DLGAP2: variants seen among roughly 807,000 people sequenced by gnomAD.
DLGAP2 encodes disks large-associated protein 2.
A neutral mutation model predicts 100.3 loss-of-function variants in DLGAP2; 26 were observed. The observed-to-expected ratio is 0.26, with a 90% confidence interval of 0.19 to 0.36. The LOEUF is 0.36. DLGAP2 is among the 10% of genes least tolerant of loss of function. DLGAP2 has a pLI of 1.00. For synonymous variants in DLGAP2, 886 were observed against 630.1 expected (o/e 1.41, Z -6.08); for missense variants, 1,858 against 1,453.2 (o/e 1.28, Z -4.53).
At chr8:1,428,515 A>G (rs895200732) in intron 3 of DLGAP2, among the ~76,000 whole-genome samples, 2 of 152,218 alleles carry the variant, frequency 1.3e-5, no homozygotes, top group Non-Finnish European at 2.9e-5. Flanking sequence ...CTTGGTAACA[A>G]AACAGGCCAA....
chr8:1,481,471 C>CTTTTTCTT (rs1799091409), intron 3 of DLGAP2, among the ~76,000 whole-genome samples: 7 of 43,702 alleles, frequency 1.6e-4, no homozygotes, highest in Non-Finnish European at 2.7e-4. Flanking sequence ...TTTTCTTTTT[C>CTTTTTCTT]TTTTTTTTTT....
At chr8:867,007 C>G (rs1585951157) in intron 1 of DLGAP2, among the ~76,000 whole-genome samples, 1 of 152,328 alleles carries the variant, frequency 6.6e-6, no homozygotes, top group South Asian at 2.1e-4. Flanking sequence ...TCGAGGGCCT[C>G]TGTCCTTCCC....
At chr8:1,167,442 G>A (rs1797039083) in intron 2 of DLGAP2, among the ~76,000 whole-genome samples, 1 of 152,156 alleles carries the variant, frequency 6.6e-6, no homozygotes, top group Non-Finnish European at 1.5e-5. Context: ...GGCTGCTAGG[G>A]AAGCAGAGTT....
At chr8:1,041,307 C>G (rs1404512049) in intron 2 of DLGAP2, among the ~76,000 whole-genome samples, 3 of 152,098 alleles carry the variant, frequency 2.0e-5, no homozygotes, top group Non-Finnish European at 4.4e-5. Context: ...GTGGAGATCG[C>G]CCCTCGCAGC....
At chr8:1,001,241 T>A (rs1177988034) in intron 2 of DLGAP2, among the ~76,000 whole-genome samples, 1 of 152,190 alleles carries the variant, frequency 6.6e-6, no homozygotes, top group Admixed American at 6.5e-5. Flanking sequence ...CAGGACAGGG[T>A]TGTACTGCAC....
intron 3 of DLGAP2, among the ~76,000 whole-genome samples, chr8:1,374,033 A>AC (rs1802322913): frequency 6.6e-6 from 1 of 152,104 alleles, no homozygotes; most frequent in African/African-American, 2.4e-5. Context: ...GCGTTTGCAG[A>AC]GGGCTGTGTG....
chr8:1,560,184 C>G (rs568404734), intron 5 of DLGAP2, among the ~76,000 whole-genome samples: 1 of 152,216 alleles, frequency 6.6e-6, no homozygotes, highest in Non-Finnish European at 1.5e-5. Context: ...GTGACGGTCC[C>G]TGTTTCACAT....
chr8:1,683,417 G>A (rs762564755), intron 12 of DLGAP2, among the ~76,000 whole-genome samples: 1 of 151,466 alleles, frequency 6.6e-6, no homozygotes, highest in African/African-American at 2.4e-5. Context: ...TCCTGCCTGT[G>A]GGGAGGGTCT....
intron 1 of DLGAP2, among the ~76,000 whole-genome samples, chr8:758,649 C>T (rs574868174): frequency 1.3e-5 from 2 of 152,230 alleles, no homozygotes; most frequent in East Asian, 1.9e-4. Context: ...GCAGCTTCAA[C>T]CACCTGGGCT....
rs967299015 is a variant in DLGAP2 at position 1,191,415 on chromosome 8, C to G, written c.74-67436C>G. ...TTGATCTCCTGACCTTGTGATCTGC[C>G]CGCCTCAGCCTCCCAAAGTGCGGGG... On this transcript the variant is annotated intron_variant, in intron 2 of 14. Coordinates refer to ENST00000637795, the MANE Select transcript of DLGAP2 (RefSeq NM_001346810.2). Among the ~76,000 whole-genome samples, 9 of 152,164 alleles carry G rather than the reference C, an allele frequency of 5.9e-5. No homozygotes were observed. The South Asian group carries it at 1.9e-3, about 32-fold the overall frequency.
chr8:1,082,703 G>A (rs1236256936), intron 2 of DLGAP2, among the ~76,000 whole-genome samples: 1 of 152,212 alleles, frequency 6.6e-6, no homozygotes, highest in Non-Finnish European at 1.5e-5. Context: ...CATCACACAG[G>A]AAGAGGGTGT....
chr8:1,558,532 C>G (rs916211513), intron 5 of DLGAP2, among the ~76,000 whole-genome samples: 1 of 149,622 alleles, frequency 6.7e-6, no homozygotes, highest in Non-Finnish European at 1.5e-5. Context: ...CACCCATATA[C>G]CTGCACACAT....
chr8:1,209,978 A>G (rs1798069973), intron 2 of DLGAP2, among the ~76,000 whole-genome samples: 1 of 152,134 alleles, frequency 6.6e-6, no homozygotes, highest in Non-Finnish European at 1.5e-5. Flanking sequence ...AACTCAAATA[A>G]TTTGCCAGTT....
intron 1 of DLGAP2, among the ~76,000 whole-genome samples, chr8:891,078 C>G (rs1355917739): frequency 1.3e-5 from 2 of 152,006 alleles, no homozygotes; most frequent in African/African-American, 4.8e-5. Context: ...GGCTCCCCCT[C>G]CCTTGGGGGG....
chr8:848,893 G>A (rs1246153815), intron 1 of DLGAP2, among the ~76,000 whole-genome samples: 48 of 135,920 alleles, frequency 3.5e-4, no homozygotes, highest in African/African-American at 9.3e-4. Context: ...GCATAGGAAC[G>A]CGCGGTGCCT....
chr8:865,314 A>T (rs1484759588), intron 1 of DLGAP2, among the ~76,000 whole-genome samples: 1 of 152,216 alleles, frequency 6.6e-6, no homozygotes, highest in African/African-American at 2.4e-5. Flanking sequence ...ATTGCTACTA[A>T]ACGCTGAGCT....
Position 759,994 on chromosome 8 carries a change from T to A in DLGAP2, c.18+22169T>A, listed in dbSNP as rs954022846. On this transcript the variant is annotated intron_variant, in intron 1 of 14. Transcript: ENST00000637795. Reference sequence around the variant, plus strand: ...TTGTCAGGGTTGAGACCATTGAGAGTCTGTTTAGTAATCAGAGTTAATTTT... The same window carrying A: ...TTGTCAGGGTTGAGACCATTGAGAGACTGTTTAGTAATCAGAGTTAATTTT... Among the ~76,000 whole-genome samples, 3 of 152,146 alleles carry A rather than the reference T, an allele frequency of 2.0e-5. 1 individual carries two copies. The South Asian group carries it at 6.2e-4, about 32-fold the overall frequency.
At chr8:1,342,878 T>G (rs1801451094) in intron 3 of DLGAP2, among the ~76,000 whole-genome samples, 1 of 152,232 alleles carries the variant, frequency 6.6e-6, no homozygotes, top group African/African-American at 2.4e-5. Flanking sequence ...TTTGCTTTCC[T>G]TCTAAACTGC....
At chr8:1,343,998 A>G (rs541396230) in intron 3 of DLGAP2, among the ~76,000 whole-genome samples, 1 of 152,266 alleles carries the variant, frequency 6.6e-6, no homozygotes, top group African/African-American at 2.4e-5. Flanking sequence ...TGCATTTACC[A>G]ACGTCCTATT....
Sources: allele counts gnomAD v4.1 joint callset (sites outside exome capture counted in the v4.1 genomes callset), GRCh38; gene constraint gnomAD v4.1.1; transcripts MANE v1.5; gene names NCBI Gene and HGNC (gene_info 2026-07-23, HGNC 2026-07-21).